DLG5: variants seen among roughly 807,000 people sequenced by gnomAD.
DLG5 encodes the protein disks large homolog 5.
In DLG5, 48 loss-of-function variants were observed where a neutral mutation model predicts 189.8. That is an observed-to-expected ratio of 0.25 (90% CI 0.20 to 0.32). The LOEUF is 0.32. DLG5 is among the 10% of genes least tolerant of loss of function. DLG5 has a pLI of 1.00. For synonymous variants in DLG5, 1,016 were observed against 1,054.1 expected (o/e 0.96, Z 0.70); for missense variants, 2,160 against 2,544.7 (o/e 0.85, Z 3.25).
chr10:77,850,012 T>C (rs1044456988), intron 5 of DLG5, among the ~76,000 whole-genome samples: 1 of 152,226 alleles, frequency 6.6e-6, no homozygotes, highest in Non-Finnish European at 1.5e-5. Context: ...GATTTCTCTA[T>C]TTATGACAAG....
Position 77,842,144 on chromosome 10 carries a change from C to G in DLG5, c.1174G>C (p.Asp392His), listed in dbSNP as rs1564537906. ...ELNKATAQNKDLQWEMELLQS... is the reference protein window; with the variant it reads ...ELNKATAQNKHLQWEMELLQS... ...AGCAGCTCCATCTCCCACTGCAGGTCCTTGTTCTGCGCCGTGGCCTTGTTC... is the reference window on the plus strand; with the variant it reads ...AGCAGCTCCATCTCCCACTGCAGGTGCTTGTTCTGCGCCGTGGCCTTGTTC... The change falls in exon 7 of 32, where the codon GAC becomes CAC. Residue 392 changes from aspartate to histidine, a missense_variant. By Grantham distance (81) the Asp-to-His change is moderately conservative. Around this residue, in one of 5 missense-constraint regions of DLG5, gnomAD observed 664 missense variants for 838.5 expected, o/e 0.79. Transcript: ENST00000372391. 6.2e-7 allele frequency: 1 copy of G among 1,609,724 alleles called. No homozygotes were observed. Among genetic ancestry groups the G allele is most frequent in the African/African-American group, 1.3e-5 (1 of 74,952 alleles).
At chr10:77,903,630 CAAAA>C (rs574454210) in intron 1 of DLG5, among the ~76,000 whole-genome samples, 4 of 58,758 alleles carry the variant, frequency 6.8e-5, no homozygotes, top group Non-Finnish European at 8.9e-5. Flanking sequence ...AACTCCATCT[CAAAA>C]AAAAAAAAAA....
At chr10:77,861,527 TCC>T (rs1844470664) in intron 2 of DLG5, among the ~76,000 whole-genome samples, 4 of 152,136 alleles carry the variant, frequency 2.6e-5, no homozygotes, top group Admixed American at 2.6e-4. Flanking sequence ...CATCTCTGTC[TCC>T]AGACGTCTCA....
At chr10:77,823,944 G>A (rs1430775305) in intron 14 of DLG5, among the ~76,000 whole-genome samples, 1 of 152,100 alleles carries the variant, frequency 6.6e-6, no homozygotes, top group Non-Finnish European at 1.5e-5. Context: ...GTAGAGGCAA[G>A]GTCTCGCTGT....
intron 29 of DLG5, among the ~76,000 whole-genome samples, chr10:77,795,628 C>T (rs945243557): frequency 6.6e-6 from 1 of 152,074 alleles, no homozygotes; most frequent in South Asian, 2.1e-4. Context: ...CTAGGATGTT[C>T]GAAGGCACCG....
Position 77,811,919 on chromosome 10 carries a change from C to A in DLG5, c.4322+5G>T, listed in dbSNP as rs1251384075. 1 of 1,603,792 alleles carries A rather than the reference C, an allele frequency of 6.2e-7. No homozygotes were observed. Among genetic ancestry groups the A allele is most frequent in the East Asian group, 2.2e-5 (1 of 44,862 alleles). On this transcript the variant is annotated splice_donor_5th_base_variant and intron_variant, in intron 22 of 31. Coordinates refer to ENST00000372391, the MANE Select transcript of DLG5 (RefSeq NM_004747.4). Reference sequence around the variant, plus strand: ...CCCAGACGGCCCTGGGAGGCCCGCACTCACCTGGACCGGGAGTGGCTGCTG... The same window carrying A: ...CCCAGACGGCCCTGGGAGGCCCGCAATCACCTGGACCGGGAGTGGCTGCTG...
intron 7 of DLG5, among the ~76,000 whole-genome samples, chr10:77,840,908 T>G (rs183348039): frequency 1.3e-5 from 2 of 152,152 alleles, no homozygotes; most frequent in East Asian, 3.8e-4. Flanking sequence ...TGCCTCACAC[T>G]TGGTACAGCA....
chr10:77,915,223 A>T (rs1204297288), intron 1 of DLG5, among the ~76,000 whole-genome samples: 1 of 152,016 alleles, frequency 6.6e-6, no homozygotes, highest in African/African-American at 2.4e-5. Context: ...GCTACTTGGT[A>T]GGCTGAGGCA....
chr10:77,906,639 TC>T (rs1295275294), intron 1 of DLG5, among the ~76,000 whole-genome samples: 1 of 148,668 alleles, frequency 6.7e-6, no homozygotes, highest in African/African-American at 2.5e-5. Flanking sequence ...TTTTTTTTTT[TC>T]CTGAGATGGA....
chr10:77,830,650 G>A, intron 10 of DLG5, 91 bp downstream of exon 10: 1 of 1,541,486 alleles, frequency 6.5e-7, no homozygotes, highest in Non-Finnish European at 8.8e-7. Flanking sequence ...TCCAAACTTG[G>A]AGTGGTGAAA....
At chr10:77,795,647 A>C (rs537481347) in intron 29 of DLG5, among the ~76,000 whole-genome samples, 42 of 152,188 alleles carry the variant, frequency 2.8e-4, no homozygotes, top group African/African-American at 9.2e-4. Flanking sequence ...CGAGAGTCAT[A>C]GCCCTTTTAG....
chr10:77,794,837 C>G lies in DLG5; in HGVS notation c.5546+12G>C. On this transcript the variant is annotated intron_variant, in intron 30 of 31. Transcript: ENST00000372391. The stretch of plus-strand genomic sequence containing the variant: ...CAAGGCCCCAGCGGAGCCCAGGGGG[C>G]CAGTTACCTACTTGATGTGCTTGGC... 6.2e-7 allele frequency: 1 copy of G among 1,611,534 alleles called. No individual in the cohort carries two copies. The highest frequency in any genetic ancestry group is 8.5e-7 in the Non-Finnish European group (1 of 1,177,948).
At chr10:77,843,246 C>T (rs1047404453) in intron 6 of DLG5, among the ~76,000 whole-genome samples, 3 of 152,078 alleles carry the variant, frequency 2.0e-5, no homozygotes, top group Non-Finnish European at 2.9e-5. Flanking sequence ...TCCGTGAACC[C>T]GAAGGTAAAC....
chr10:77,893,065 G>A (rs142605313), intron 1 of DLG5, among the ~76,000 whole-genome samples: 1,650 of 152,338 alleles, frequency 0.011, 20 homozygotes, highest in South Asian at 0.023. Flanking sequence ...TGGCATTGGC[G>A]TGCTAGCCAT....
intron 9 of DLG5, among the ~76,000 whole-genome samples, chr10:77,831,418 T>C (rs1396928037): frequency 3.9e-5 from 6 of 152,042 alleles, no homozygotes; most frequent in Non-Finnish European, 1.5e-5. Context: ...TAAAATTTAA[T>C]TTAAAAAATA....
intron 1 of DLG5, among the ~76,000 whole-genome samples, chr10:77,873,031 G>GTGTGCGCACA (rs201196944): frequency 6.6e-5 from 3 of 45,488 alleles, no homozygotes; most frequent in African/African-American, 1.6e-4. Context: ...GTGTGTGTGT[G>GTGTGCGCACA]CACACACACA....
chr10:77,825,640 C>T (rs1031917613), intron 13 of DLG5, among the ~76,000 whole-genome samples: 12 of 151,978 alleles, frequency 7.9e-5, no homozygotes, highest in African/African-American at 2.9e-4. Context: ...GCTGCAACCT[C>T]CGCCTCCCAG....
chr10:77,905,479 T>C (rs1381068805), intron 1 of DLG5, among the ~76,000 whole-genome samples: 1 of 152,252 alleles, frequency 6.6e-6, no homozygotes, highest in African/African-American at 2.4e-5. Flanking sequence ...CACCTCTTCC[T>C]TCCACAATCA....
chr10:77,822,569 G>A lies in DLG5; in HGVS notation c.2383-468C>T, dbSNP rs1055151105. ...TGAGGCAGGAGAATCGCTTGAACCC[G>A]GAGGTGGAGGTTGCAGTGAACTAAG... is the stretch of plus-strand genomic sequence containing the variant. On this transcript the variant is annotated intron_variant, in intron 14 of 31. Coordinates refer to ENST00000372391, the MANE Select transcript of DLG5 (RefSeq NM_004747.4). 9.1e-4 allele frequency among the ~76,000 whole-genome samples: 138 copies of A among 152,256 alleles called. 1 individual carries two copies. Among genetic ancestry groups the A allele is most frequent in the East Asian group, 1.9e-4 (1 of 5,182 alleles).
Sources: gnomAD v4.1 joint callset for allele counts (sites outside exome capture counted in the v4.1 genomes callset) on GRCh38, gnomAD v4.1.1 for gene constraint, gnomAD v4.1.1 regional missense constraint, MANE v1.5 for transcripts, NCBI Gene and HGNC (gene_info 2026-07-23, HGNC 2026-07-21) for gene names.